Variants in DCP1A observed in about 807,000 individuals in gnomAD.
The protein encoded by DCP1A is mRNA-decapping enzyme 1A.
A neutral mutation model predicts 58.0 loss-of-function variants in DCP1A; 20 were observed. The ratio of observed to expected loss-of-function variants is 0.34; its 90% CI spans 0.24 to 0.50. The LOEUF (loss-of-function observed/expected upper bound fraction) is 0.50. DCP1A is among the 20% of genes least tolerant of loss of function. The pLI is 0.98. For missense variants in DCP1A, 613 were observed against 712.2 expected, an observed-to-expected ratio of 0.86 and a Z score of 1.59; for synonymous variants, 285 against 275.1, an observed-to-expected ratio of 1.04 and a Z score of -0.36.
chr3:53,343,258 A>G (rs1180016975), intron 2 of DCP1A, among the ~76,000 whole-genome samples: 1 of 152,228 alleles, frequency 6.6e-6, no homozygotes, highest in Non-Finnish European at 1.5e-5. Flanking sequence ...TTTTGACTCC[A>G]AATCCAAGCT....
chr3:53,296,711 T>G (rs1164967799), intron 6 of DCP1A, among the ~76,000 whole-genome samples: 1 of 152,274 alleles, frequency 6.6e-6, no homozygotes, highest in African/African-American at 2.4e-5. Flanking sequence ...AGAACTTCAC[T>G]TATTTTTATG....
chr3:53,321,831 A>T (rs1463987649), intron 3 of DCP1A, among the ~76,000 whole-genome samples: 2 of 152,202 alleles, frequency 1.3e-5, no homozygotes, highest in African/African-American at 4.8e-5. Flanking sequence ...ATAACATTAC[A>T]ATTTTTTATA....
intron 5 of DCP1A, among the ~76,000 whole-genome samples, chr3:53,306,255 T>C (rs1553688046): frequency 6.6e-6 from 1 of 152,212 alleles, no homozygotes; most frequent in Non-Finnish European, 1.5e-5. Flanking sequence ...GGCGGAACAT[T>C]TGGTGAAAGC....
chr3:53,329,338 T>C, intron 3 of DCP1A: 2 of 398,564 alleles, frequency 5.0e-6, no homozygotes, highest in Non-Finnish European at 8.8e-6. Flanking sequence ...TTTCTAGTGA[T>C]CTAATTTTCA....
intron 3 of DCP1A, 76 bp from the exon 4 acceptor site, chr3:53,319,549 C>G: frequency 1.1e-6 from 1 of 895,122 alleles, no homozygotes; most frequent in Non-Finnish European, 1.8e-6. Context: ...AATATATTAT[C>G]ATCATGGAAT....
chr3:53,334,083 G>C (rs1294763862), intron 3 of DCP1A, among the ~76,000 whole-genome samples: 3 of 152,062 alleles, frequency 2.0e-5, no homozygotes, highest in Non-Finnish European at 4.4e-5. Context: ...ACAATATAGA[G>C]AGACCTTGTC....
At chr3:53,332,224 T>A (rs1553691370) in intron 3 of DCP1A, among the ~76,000 whole-genome samples, 4 of 152,216 alleles carry the variant, frequency 2.6e-5, no homozygotes. Flanking sequence ...CTAGTGCCAT[T>A]TACTGAATAG....
chr3:53,341,428 T>C (rs782466067), intron 3 of DCP1A, among the ~76,000 whole-genome samples: 24 of 152,114 alleles, frequency 1.6e-4, no homozygotes, highest in Admixed American at 6.6e-4. Flanking sequence ...CACTCCAGCC[T>C]GGGCAACAGA....
intron 7 of DCP1A, 98 bp from the exon 8 acceptor site, chr3:53,290,954 TAGG>T: frequency 9.3e-7 from 1 of 1,080,854 alleles, no homozygotes; most frequent in Non-Finnish European, 1.4e-6. Flanking sequence ...GTGGAAAATC[TAGG>T]TTAGTAACAG....
At chr3:53,310,034 T>C (rs1575603967) in intron 5 of DCP1A, among the ~76,000 whole-genome samples, 1 of 152,148 alleles carries the variant, frequency 6.6e-6, no homozygotes, top group Admixed American at 6.6e-5. Flanking sequence ...ACCAGCTCCA[T>C]CTGATGAGAT....
intron 2 of DCP1A, among the ~76,000 whole-genome samples, chr3:53,344,253 C>T (rs1242198394): frequency 6.6e-6 from 1 of 152,100 alleles, no homozygotes; most frequent in Non-Finnish European, 1.5e-5. Flanking sequence ...TAGAGGAATC[C>T]AGGAAAACAA....
At chr3:53,328,123 GAA>G (rs1323421997) in intron 3 of DCP1A, among the ~76,000 whole-genome samples, 1 of 141,760 alleles carries the variant, frequency 7.1e-6, no homozygotes, top group Admixed American at 7.1e-5. Context: ...TCCGTCTCAG[GAA>G]AAAAAAAAAA....
chr3:53,299,054 T>C (rs1429079345), intron 6 of DCP1A, among the ~76,000 whole-genome samples: 1 of 152,238 alleles, frequency 6.6e-6, no homozygotes, highest in Non-Finnish European at 1.5e-5. Context: ...CACTCTATGA[T>C]GTTCGGAGAA....
At chr3:53,317,311 A>G (rs904430949) in intron 4 of DCP1A, among the ~76,000 whole-genome samples, 2 of 152,150 alleles carry the variant, frequency 1.3e-5, no homozygotes, top group Non-Finnish European at 2.9e-5. Context: ...GATTACAGGC[A>G]TGCACCACCA....
chr3:53,298,730 G>A (rs1015545989), intron 6 of DCP1A, among the ~76,000 whole-genome samples: 3 of 152,202 alleles, frequency 2.0e-5, no homozygotes, highest in African/African-American at 7.2e-5. Flanking sequence ...GTACAGCTAA[G>A]GTTTGAATAA....
intron 3 of DCP1A, among the ~76,000 whole-genome samples, chr3:53,327,595 G>C (rs1295613507): frequency 6.6e-6 from 1 of 151,892 alleles, no homozygotes; most frequent in Non-Finnish European, 1.5e-5. Context: ...TTCAAGACCA[G>C]CCTGGCCAAC....
chr3:53,313,902 T>G (rs1433726461), intron 4 of DCP1A, among the ~76,000 whole-genome samples: 1 of 152,090 alleles, frequency 6.6e-6, no homozygotes, highest in Non-Finnish European at 1.5e-5. Flanking sequence ...TCCTTGAGTT[T>G]TATTATTATT....
At position 53,312,207 on chromosome 3, in the gene DCP1A, C is replaced by T. The variant is rs576876453; in HGVS notation, c.510+34G>A. On this transcript the variant is annotated intron_variant, in intron 5 of 9. Transcript: ENST00000610213. ...ACCTCCTCCTCCCGTTTTGGTCTTCCCTGGTCAGCACCCAAGTACCCAGAG... is the reference window on the plus strand; with the variant it reads ...ACCTCCTCCTCCCGTTTTGGTCTTCTCTGGTCAGCACCCAAGTACCCAGAG... 4.0e-5 allele frequency: 62 copies of T among 1,544,876 alleles called. No individual in the cohort carries two copies. In the Middle Eastern group the frequency reaches 1.5e-3, roughly 38 times the overall value.
chr3:53,283,907 G>C lies in DCP1A; in HGVS notation c.*3673C>G, dbSNP rs1278628858. ...CATCTGTTGAATTTGCTGAAAAACA[G>C]GCTCCTCAAGGCCCTGGTCCACTCG... is the stretch of plus-strand genomic sequence containing the variant. On this transcript the variant is annotated 3_prime_UTR_variant, in exon 10 of 10. Coordinates refer to ENST00000610213, the MANE Select transcript of DCP1A (RefSeq NM_018403.7). 1 of 152,168 alleles carries C rather than the reference G, an allele frequency of 6.6e-6. No homozygotes were observed. Among genetic ancestry groups the C allele is most frequent in the Non-Finnish European group, 1.5e-5 (1 of 68,036 alleles). 9.4% of individuals were successfully genotyped at this position (152,168 alleles called of 1,614,324 possible).
Sources: allele counts gnomAD v4.1 joint callset (sites outside exome capture counted in the v4.1 genomes callset), GRCh38; gene constraint gnomAD v4.1.1; transcripts MANE v1.5; gene names NCBI Gene and HGNC (gene_info 2026-07-23, HGNC 2026-07-21).